The following NCBP3 variants were observed in gnomAD, a reference collection of about 807,000 sequenced individuals.
NCBP3 encodes nuclear cap-binding protein subunit 3.
NCBP3 carries 20 observed loss-of-function variants against 75.7 expected under a neutral mutation model. The ratio of observed to expected loss-of-function variants is 0.26; its 90% confidence interval spans 0.19 to 0.38. NCBP3 has a LOEUF of 0.38. Ranked by LOEUF, NCBP3 falls within the 10% of genes least tolerant of loss-of-function variation. NCBP3 has a pLI of 1.00. For synonymous variants in NCBP3, 293 were observed against 290.5 expected, an observed-to-expected ratio of 1.01 and a Z score of -0.09; for missense variants, 678 against 796.9, an observed-to-expected ratio of 0.85 and a Z score of 1.80.
intron 11 of NCBP3, 133 bp from the exon 12 acceptor site, chr17:3,814,616 G>T: frequency 2.3e-6 from 2 of 868,236 alleles, no homozygotes; most frequent in Non-Finnish European, 3.5e-6. Flanking sequence ...AGGCTGCTAA[G>T]TATTCTTCCT....
In NCBP3 at chr17:3,809,828, G is replaced by A. The variant is rs1442964750; in HGVS notation, c.*3216C>T. The stretch of plus-strand genomic sequence containing the variant: ...ATACCCATAAAATGGACTATTATTT[G>A]GCAATTTTAAAAAATGAAATACTGA... On this transcript the variant is annotated 3_prime_UTR_variant, in exon 13 of 13. Coordinates refer to ENST00000389005, the MANE Select transcript of NCBP3 (RefSeq NM_001114118.3). 6.6e-6 allele frequency: 1 copy of A among 152,100 alleles called. No individual in the cohort carries two copies. Among genetic ancestry groups the A allele is most frequent in the Non-Finnish European group, 1.5e-5 (1 of 68,014 alleles). 9.4% of individuals were successfully genotyped at this position (152,100 alleles called of 1,614,324 possible).
At chr17:3,837,269 C>T (rs879610460) in intron 3 of NCBP3, among the ~76,000 whole-genome samples, 16 of 152,050 alleles carry the variant, frequency 1.1e-4, no homozygotes, top group East Asian at 1.9e-4. Context: ...GAGGCCGAGG[C>T]GGGTGGATCA....
rs1177566041 is a variant in NCBP3, at chr17:3,840,126, G to A, written c.329C>T (p.Ala110Val). Residue 110 changes from alanine (A) to valine (V), a missense_variant, in exon 3 of 13, where the codon GCC becomes GTC. Physicochemically the swap from Ala to Val is moderately conservative, Grantham distance 64. Around this residue, in one of 7 missense-constraint regions of NCBP3, gnomAD observed 40 missense variants for 41.3 expected, o/e 0.97. Coordinates refer to ENST00000389005, the MANE Select transcript of NCBP3 (RefSeq NM_001114118.3). ...TTTCTTCATCATGTCTCGGTCCAAG[G>A]CTACATTTCTTTGGGCAAGATTTAC... ...SEVNLAQRNV[A>V]LDRDMMKKAI... The A allele has an allele frequency of 6.4e-7, 1 of 1,551,608 alleles. No individual in the cohort carries two copies. Among genetic ancestry groups the A allele is most frequent in the South Asian group, 1.2e-5 (1 of 84,062 alleles).
intron 7 of NCBP3, chr17:3,824,325 TATACATACATAC>T (rs200558807): frequency 1.3e-5 from 2 of 151,248 alleles, no homozygotes; most frequent in South Asian, 2.1e-4. Context: ...GTATAATACA[TATACATACATAC>T]ATACATACAC....
Position 3,809,217 on chromosome 17 carries a change from C to T in NCBP3, c.*3827G>A, listed in dbSNP as rs185431485. 13 of 152,234 alleles carry T rather than the reference C, an allele frequency of 8.5e-5. 1 individual carries two copies. Among genetic ancestry groups the T allele is most frequent in the Admixed American group, 7.8e-4 (12 of 15,290 alleles). 9.4% of individuals were successfully genotyped at this position (152,234 alleles called of 1,614,324 possible). A position where few individuals can be genotyped will look rare whatever the true frequency, so the allele number is the denominator to read the frequency against. ...GAGTGTTGGTGGAGATGTGGAGAAA[C>T]TGGAACCCTCGCACACTGCTGGTGG... is the stretch of plus-strand genomic sequence containing the variant. On this transcript the variant is annotated 3_prime_UTR_variant, in exon 13 of 13. Transcript: ENST00000389005.
At chr17:3,840,341 G>T in intron 2 of NCBP3, 136 bp from the exon 3 acceptor site, 1 of 679,518 alleles carries the variant, frequency 1.5e-6, no homozygotes, top group Non-Finnish European at 2.5e-6. Flanking sequence ...AATCAGTCTG[G>T]CAGAGACCTG....
intron 3 of NCBP3, among the ~76,000 whole-genome samples, chr17:3,833,342 G>C (rs1366434513): frequency 6.6e-6 from 1 of 152,116 alleles, no homozygotes; most frequent in Non-Finnish European, 1.5e-5. Context: ...TTGAATTCCT[G>C]ACCTCAAGTG....
At chr17:3,821,746 GT>G (rs1318960343) in intron 8 of NCBP3, among the ~76,000 whole-genome samples, 3 of 152,084 alleles carry the variant, frequency 2.0e-5, no homozygotes, top group African/African-American at 7.2e-5. Context: ...TCAACTACAC[GT>G]TGACACAATG....
rs2053340586 is a variant in NCBP3, at chr17:3,806,721, A to G, written c.*6323T>C. On this transcript the variant is annotated 3_prime_UTR_variant, in exon 13 of 13. Transcript: ENST00000389005. ...GAAATGTTCATAGAGCTTCATTGAA[A>G]AAAAAAAAAAAAAAAAAGCTACAAT... 6.7e-6 allele frequency: 1 copy of G among 148,482 alleles called. No individual in the cohort carries two copies. The highest frequency in any genetic ancestry group is 1.5e-5 in the Non-Finnish European group (1 of 67,244). The allele number at this position is 148,482 out of a possible 1,614,324, so 9.2% of individuals were successfully genotyped here.
Position 3,809,374 on chromosome 17 carries a change from C to T in NCBP3, c.*3670G>A, listed in dbSNP as rs1343874190. 1.1e-4 allele frequency: 16 copies of T among 152,164 alleles called. No homozygotes were observed. The highest frequency in any genetic ancestry group is 1.0e-3 in the Admixed American group (16 of 15,260). 9.4% of individuals were successfully genotyped at this position (152,164 alleles called of 1,614,324 possible). On this transcript the variant is annotated 3_prime_UTR_variant, in exon 13 of 13. Transcript: ENST00000389005. ...ATGAAAATACCTGTCCCTGCAAAAACTTGTTCGGGAATGTTCGTAGCAACA... is the reference window on the plus strand; with the variant it reads ...ATGAAAATACCTGTCCCTGCAAAAATTTGTTCGGGAATGTTCGTAGCAACA...
intron 9 of NCBP3, among the ~76,000 whole-genome samples, chr17:3,820,160 G>A (rs1376357364): frequency 2.0e-5 from 3 of 152,104 alleles, no homozygotes; most frequent in Non-Finnish European, 4.4e-5. Flanking sequence ...ATGTTGCCCA[G>A]GCTGGTCTCA....
At chr17:3,817,066 T>C (rs941282047) in intron 10 of NCBP3, among the ~76,000 whole-genome samples, 1 of 151,578 alleles carries the variant, frequency 6.6e-6, no homozygotes, top group African/African-American at 2.4e-5. Flanking sequence ...AACAAGGCCA[T>C]ACAAACAAAT....
rs1398219539 is a variant in NCBP3, at chr17:3,804,052, G to A, written c.*8992C>T. The A allele has an allele frequency of 2.0e-5, 3 of 152,362 alleles. No homozygotes were observed. The highest frequency in any genetic ancestry group is 7.2e-5 in the African/African-American group (3 of 41,564). The allele number at this position is 152,362 out of a possible 1,614,324, so 9.4% of individuals were successfully genotyped here. On this transcript the variant is annotated 3_prime_UTR_variant, in exon 13 of 13. Coordinates refer to ENST00000389005, the MANE Select transcript of NCBP3 (RefSeq NM_001114118.3). ...AGATCATGCCACTGCACTCCACTTG[G>A]GTGACAGAGCGAGACTCCGTCTCAG...
At chr17:3,836,355 A>C (rs1019163343) in intron 3 of NCBP3, among the ~76,000 whole-genome samples, 1 of 152,184 alleles carries the variant, frequency 6.6e-6, no homozygotes, top group African/African-American at 2.4e-5. Context: ...CAGCAGCCCT[A>C]TAAGAATTCC....
intron 7 of NCBP3, 153 bp downstream of exon 7, chr17:3,824,789 G>T (rs2143669033): frequency 2.5e-6 from 1 of 405,400 alleles, no homozygotes; most frequent in Non-Finnish European, 4.4e-6. Flanking sequence ...TCCAACTCAG[G>T]TGGCAAGCAA....
rs1290123045 is a variant in NCBP3 at position 3,806,738 on chromosome 17, A to G, written c.*6306T>C. 1 of 149,280 alleles carries G rather than the reference A, an allele frequency of 6.7e-6. No individual in the cohort carries two copies. The highest frequency in any genetic ancestry group is 2.5e-5 in the African/African-American group (1 of 39,860). The allele number at this position is 149,280 out of a possible 1,614,324, so 9.2% of individuals were successfully genotyped here. A position where few individuals can be genotyped will look rare whatever the true frequency, so the allele number is the denominator to read the frequency against. ...TCATTGAAAAAAAAAAAAAAAAAAA[A>G]GCTACAATATTTTTCTTCTAAGATT... On this transcript the variant is annotated 3_prime_UTR_variant, in exon 13 of 13. Coordinates refer to ENST00000389005, the MANE Select transcript of NCBP3 (RefSeq NM_001114118.3).
chr17:3,831,981 C>T (rs1300864497), intron 3 of NCBP3, among the ~76,000 whole-genome samples: 1 of 120,142 alleles, frequency 8.3e-6, no homozygotes, highest in African/African-American at 2.5e-5. Context: ...GTCAGGAGTT[C>T]GAGATCAGCC....
chr17:3,814,326 T>C lies in NCBP3; in HGVS notation c.1623A>G (p.Lys541=), dbSNP rs1238298320. The C allele has an allele frequency of 1.2e-6, 2 of 1,614,054 alleles. No homozygotes were observed. Among genetic ancestry groups the C allele is most frequent in the Admixed American group, 1.7e-5 (1 of 59,980 alleles). The change falls in exon 12 of 13, where the codon AAA becomes AAG. Residue 541 remains lysine, a synonymous_variant. Coordinates refer to ENST00000389005, the MANE Select transcript of NCBP3 (RefSeq NM_001114118.3). Reference sequence around the variant, plus strand: ...TCCGTTTTAAGTGTTACCAACCTGATTTCTTCTCCCGAGTATCGGCGTAGA... The same window carrying C: ...TCCGTTTTAAGTGTTACCAACCTGACTTCTTCTCCCGAGTATCGGCGTAGA... ...KGLYADTREK[K]SGNLWTRLGS...
At position 3,812,347 on chromosome 17, in the gene NCBP3, T is replaced by C. The variant is rs1250569268; in HGVS notation, c.*697A>G. ...CCCCAGCACAAAAATCAACCCCAAA[T>C]CCAGACGTCACAGTTTTTTGTTCCT... is the stretch of plus-strand genomic sequence containing the variant. On this transcript the variant is annotated 3_prime_UTR_variant, in exon 13 of 13. Coordinates refer to ENST00000389005, the MANE Select transcript of NCBP3 (RefSeq NM_001114118.3). 2 of 231,788 alleles carry C rather than the reference T, an allele frequency of 8.6e-6. No individual in the cohort carries two copies. The highest frequency in any genetic ancestry group is 3.6e-4 in the East Asian group (2 of 5,512). The allele number at this position is 231,788 out of a possible 1,614,324, so 14.4% of individuals were successfully genotyped here.
Sources: allele counts gnomAD v4.1 joint callset (sites outside exome capture counted in the v4.1 genomes callset), GRCh38; gene constraint gnomAD v4.1.1; regional missense constraint gnomAD v4.1.1; transcripts MANE v1.5; gene names NCBI Gene and HGNC (gene_info 2026-07-23, HGNC 2026-07-21).